The following PHKB variants were observed in gnomAD, a reference collection of about 807,000 sequenced individuals.
The protein encoded by PHKB is phosphorylase b kinase regulatory subunit beta.
PHKB carries 122 observed loss-of-function variants against 152.1 expected under a neutral mutation model. The observed-to-expected ratio is 0.80, with a 90% CI of 0.69 to 0.93. PHKB has a LOEUF of 0.93. PHKB is among the 40% of genes least tolerant of loss of function. The pLI is 0.00. For synonymous variants in PHKB, 436 were observed against 464.9 expected, an observed-to-expected ratio of 0.94 and a Z score of 0.80; for missense variants, 1,304 against 1,328.4, an observed-to-expected ratio of 0.98 and a Z score of 0.29.
chr16:47,501,708 T>A (rs1231813503), intron 3 of PHKB, among the ~76,000 whole-genome samples: 1 of 152,222 alleles, frequency 6.6e-6, no homozygotes, highest in Non-Finnish European at 1.5e-5. Context: ...TCCTTTTAAC[T>A]TTTTTGTAGA....
chr16:47,523,741 T>C (rs1265199190), intron 6 of PHKB, among the ~76,000 whole-genome samples: 3 of 152,168 alleles, frequency 2.0e-5, no homozygotes, highest in Admixed American at 6.5e-5. Flanking sequence ...GCAGCTGCAG[T>C]GTTAAATGGT....
At chr16:47,565,750 G>A (rs1179627850) in intron 7 of PHKB, 6 of 1,500,756 alleles carry the variant, frequency 4.0e-6, no homozygotes, top group Non-Finnish European at 4.6e-6. Context: ...AGCTGATGCT[G>A]CAACTTCTCT....
At chr16:47,496,806 G>A (rs1393379521) in intron 1 of PHKB, among the ~76,000 whole-genome samples, 1 of 152,142 alleles carries the variant, frequency 6.6e-6, no homozygotes, top group African/African-American at 2.4e-5. Context: ...TAGTTTTCAA[G>A]GCTGAGAAGT....
intron 4 of PHKB, 50 bp from the exon 5 acceptor site, chr16:47,511,615 G>GT: frequency 2.4e-6 from 3 of 1,259,114 alleles, no homozygotes; most frequent in African/African-American, 2.9e-5. Context: ...CTATAGTCTT[G>GT]GATAAGTTTA....
chr16:47,633,907 T>G (rs1050904790), intron 14 of PHKB, among the ~76,000 whole-genome samples: 2 of 152,220 alleles, frequency 1.3e-5, no homozygotes, highest in Non-Finnish European at 2.9e-5. Flanking sequence ...AGAAATATTT[T>G]TTGACCACCT....
Position 47,660,509 on chromosome 16 carries a change from C to G in PHKB, c.1975C>G (p.Leu659Val). 6.2e-7 allele frequency: 1 copy of G among 1,612,600 alleles called. No homozygotes were observed. The highest frequency in any genetic ancestry group is 8.5e-7 in the Non-Finnish European group (1 of 1,178,694). The part of the protein sequence containing the change: ...VKVHVDRLQT[L>V]ISGAVVEQLD... ...ATCTTTTTCGATCACGTTTCAGACA[C>G]TAATATCTGGAGCTGTGGTAGAACA... Residue 659 changes from leucine to valine, a missense_variant, in exon 21 of 31, where the codon CTA (leucine) becomes GTA (valine). By Grantham distance (32) the Leu-to-Val change is conservative. Transcript: ENST00000323584.
At chr16:47,513,702 C>T (rs2151650683) in intron 5 of PHKB, among the ~76,000 whole-genome samples, 1 of 152,284 alleles carries the variant, frequency 6.6e-6, no homozygotes, top group Middle Eastern at 3.4e-3. Context: ...CTGGAGCTGT[C>T]AGAGGGAAAT....
intron 14 of PHKB, among the ~76,000 whole-genome samples, chr16:47,618,221 G>T (rs994374200): frequency 1.3e-5 from 2 of 152,138 alleles, no homozygotes; most frequent in Non-Finnish European, 2.9e-5. Context: ...TTTTACACTA[G>T]AAATGTATTT....
intron 26 of PHKB, among the ~76,000 whole-genome samples, chr16:47,684,890 A>G (rs1018584491): frequency 3.3e-5 from 5 of 152,242 alleles, no homozygotes; most frequent in African/African-American, 1.2e-4. Flanking sequence ...ATTGTCCTTA[A>G]GTCAAACCTG....
At chr16:47,679,045 T>C (rs1973794145) in intron 26 of PHKB, among the ~76,000 whole-genome samples, 1 of 152,194 alleles carries the variant, frequency 6.6e-6, no homozygotes. Context: ...CCCCATTGCT[T>C]GTTTTTGTCA....
At chr16:47,499,480 C>CATTG (rs1191862211) in intron 2 of PHKB, among the ~76,000 whole-genome samples, 5 of 152,208 alleles carry the variant, frequency 3.3e-5, no homozygotes, top group African/African-American at 1.2e-4. Flanking sequence ...ATTTCTAACA[C>CATTG]ACATTGACAT....
intron 1 of PHKB, among the ~76,000 whole-genome samples, chr16:47,485,662 C>G (rs1173863115): frequency 1.3e-5 from 2 of 152,180 alleles, no homozygotes. Flanking sequence ...ACTCTGTCGC[C>G]AGGCTGGAGT....
chr16:47,576,846 A>G (rs1567312884), intron 7 of PHKB, among the ~76,000 whole-genome samples: 1 of 152,000 alleles, frequency 6.6e-6, no homozygotes, highest in Admixed American at 6.5e-5. Context: ...ATATTGTTAT[A>G]TTTGAGGGGA....
At chr16:47,488,922 A>C (rs1970097205) in intron 1 of PHKB, among the ~76,000 whole-genome samples, 1 of 151,968 alleles carries the variant, frequency 6.6e-6, no homozygotes, top group South Asian at 2.1e-4. Flanking sequence ...TGCTTTGGCT[A>C]TTGCCTCTCT....
intron 6 of PHKB, among the ~76,000 whole-genome samples, chr16:47,526,335 G>A (rs992056229): frequency 2.0e-5 from 3 of 151,970 alleles, no homozygotes; most frequent in Non-Finnish European, 2.9e-5. Flanking sequence ...GCTTGAATCC[G>A]AGAGGCAGAG....
chr16:47,566,099 A>G (rs763949287), intron 7 of PHKB: 1 of 657,572 alleles, frequency 1.5e-6, no homozygotes, highest in African/African-American at 1.8e-5. Context: ...TCTGGGAATC[A>G]TAGCCTCTAT....
At chr16:47,678,988 T>C (rs1010523345) in intron 26 of PHKB, among the ~76,000 whole-genome samples, 5 of 152,250 alleles carry the variant, frequency 3.3e-5, no homozygotes, top group African/African-American at 9.6e-5. Flanking sequence ...TTTCTACATA[T>C]GGCTAGCCAG....
At chr16:47,506,092 G>A (rs988880621) in intron 4 of PHKB, among the ~76,000 whole-genome samples, 4 of 150,276 alleles carry the variant, frequency 2.7e-5, no homozygotes, top group Admixed American at 6.6e-5. Flanking sequence ...GATGGCTCAC[G>A]CCTGTAATCC....
intron 1 of PHKB, among the ~76,000 whole-genome samples, chr16:47,496,536 G>T (rs1040434433): frequency 6.6e-6 from 1 of 150,540 alleles, no homozygotes; most frequent in Non-Finnish European, 1.5e-5. Context: ...ATGTTCTTAG[G>T]CTATATGGTA....
Sources: allele counts gnomAD v4.1 joint callset (sites outside exome capture counted in the v4.1 genomes callset), GRCh38; gene constraint gnomAD v4.1.1; transcripts MANE v1.5; gene names NCBI Gene and HGNC (gene_info 2026-07-23, HGNC 2026-07-21).